ANTXR2: variants seen among roughly 807,000 people sequenced by gnomAD.
ANTXR2 encodes anthrax toxin receptor 2.
Under a neutral mutation model 73.7 loss-of-function variants are expected in ANTXR2, and 44 were observed. That is an observed-to-expected ratio of 0.60 (90% CI 0.47 to 0.77). The LOEUF (loss-of-function observed/expected upper bound fraction) is 0.77. Among genes scored for constraint, ANTXR2 ranks in the 30% least tolerant of loss-of-function variants. ANTXR2 has a pLI of 0.00. For synonymous variants in ANTXR2, 217 were observed against 205.9 expected (o/e 1.05, Z -0.46); for missense variants, 604 against 592.5 (o/e 1.02, Z -0.20).
chr4:80,064,925 C>G (rs1472414370), intron 3 of ANTXR2, among the ~76,000 whole-genome samples: 1 of 152,126 alleles, frequency 6.6e-6, no homozygotes. Flanking sequence ...AGTGGAATAT[C>G]GGCTTTAACT....
chr4:79,943,817 G>A (rs1728411808), intron 16 of ANTXR2, among the ~76,000 whole-genome samples: 2 of 152,042 alleles, frequency 1.3e-5, no homozygotes, highest in South Asian at 4.2e-4. Context: ...ATATTTTGAT[G>A]TCTGGTTACT....
intron 7 of ANTXR2, among the ~76,000 whole-genome samples, chr4:80,044,370 G>T (rs1413273284): frequency 6.6e-6 from 1 of 151,894 alleles, no homozygotes; most frequent in Non-Finnish European, 1.5e-5. Flanking sequence ...GGACACATAA[G>T]AGGTAATAAA....
At chr4:79,945,349 G>T (rs187360851) in intron 16 of ANTXR2, among the ~76,000 whole-genome samples, 26 of 152,108 alleles carry the variant, frequency 1.7e-4, no homozygotes, top group African/African-American at 6.3e-4. Flanking sequence ...TCAGCTTTCA[G>T]ATTTTCATTG....
At chr4:79,916,501 C>G (rs1727359467) in intron 16 of ANTXR2, among the ~76,000 whole-genome samples, 2 of 152,064 alleles carry the variant, frequency 1.3e-5, no homozygotes, top group Admixed American at 1.3e-4. Flanking sequence ...GCTTTCTAAT[C>G]TCAATTAGAA....
At chr4:79,985,559 A>G (rs72653290) in intron 12 of ANTXR2, among the ~76,000 whole-genome samples, 11,350 of 152,108 alleles carry the variant, frequency 0.075, 496 homozygotes, top group Middle Eastern at 0.11. Context: ...GTGGTGAGAC[A>G]GAGACACCAG....
chr4:80,008,037 C>A (rs1370839704), intron 12 of ANTXR2, among the ~76,000 whole-genome samples: 1 of 152,112 alleles, frequency 6.6e-6, no homozygotes, highest in Non-Finnish European at 1.5e-5. Context: ...CCAAAAGTAG[C>A]AGTTTAACAG....
rs1338484314 is a variant in ANTXR2, at chr4:79,978,081, G to A, written c.1273C>T (p.Pro425Ser). 1.2e-6 allele frequency: 2 copies of A among 1,613,644 alleles called. No homozygotes were observed. Among genetic ancestry groups the A allele is most frequent in the Non-Finnish European group, 1.7e-6 (2 of 1,179,830 alleles). The change falls in exon 15 of 17, where the codon CCC becomes TCC. Residue 425 changes from proline to serine, a missense_variant. Pro to Ser is a moderately conservative substitution (Grantham distance 74). Transcript: ENST00000403729. ...GGTCGAGGTGGTCTAGGCCTGATGGGTTCCTCTGTTTCTTCAGGAATCTTC... is the reference window on the plus strand; with the variant it reads ...GGTCGAGGTGGTCTAGGCCTGATGGATTCCTCTGTTTCTTCAGGAATCTTC... ...VVKIPEETEEPIRPRPPRPKP... is the reference protein window; with the variant it reads ...VVKIPEETEESIRPRPPRPKP...
intron 12 of ANTXR2, among the ~76,000 whole-genome samples, chr4:79,996,221 G>A (rs1020708306): frequency 6.6e-6 from 1 of 151,838 alleles, no homozygotes; most frequent in African/African-American, 2.4e-5. Context: ...ATAAGATTTA[G>A]TTTGCAAAGG....
At chr4:80,029,623 T>C (rs1036551001) in intron 10 of ANTXR2, among the ~76,000 whole-genome samples, 2 of 151,730 alleles carry the variant, frequency 1.3e-5, no homozygotes, top group African/African-American at 4.8e-5. Flanking sequence ...AGACAAACAA[T>C]TGGCTTTGGA....
At chr4:79,924,972 G>A (rs974677436) in intron 16 of ANTXR2, among the ~76,000 whole-genome samples, 1 of 152,080 alleles carries the variant, frequency 6.6e-6, no homozygotes, top group Non-Finnish European at 1.5e-5. Flanking sequence ...GTAACATTTT[G>A]TTTGAATGGC....
At chr4:80,014,908 C>T (rs749961096) in intron 11 of ANTXR2, among the ~76,000 whole-genome samples, 1 of 152,184 alleles carries the variant, frequency 6.6e-6, no homozygotes, top group African/African-American at 2.4e-5. Flanking sequence ...ACCACCCTAG[C>T]TTTGAAAATT....
intron 10 of ANTXR2, among the ~76,000 whole-genome samples, chr4:80,024,009 GA>G (rs1198071899): frequency 1.3e-5 from 2 of 152,156 alleles, no homozygotes; most frequent in African/African-American, 4.8e-5. Flanking sequence ...TTCAAAAGTA[GA>G]AAGACCAGTT....
At chr4:79,971,698 G>T (rs1729442165) in intron 16 of ANTXR2, among the ~76,000 whole-genome samples, 1 of 43,100 alleles carries the variant, frequency 2.3e-5, no homozygotes, top group Non-Finnish European at 4.4e-5. Context: ...AATGGTGCTG[G>T]GAAAACTGGC....
At chr4:79,952,309 C>T (rs1174664589) in intron 16 of ANTXR2, among the ~76,000 whole-genome samples, 1 of 151,074 alleles carries the variant, frequency 6.6e-6, no homozygotes, top group Non-Finnish European at 1.5e-5. Flanking sequence ...GCTTGCTCTG[C>T]TTTGGGTTAT....
intron 10 of ANTXR2, among the ~76,000 whole-genome samples, chr4:80,027,255 T>C (rs899101363): frequency 3.3e-5 from 5 of 152,040 alleles, no homozygotes; most frequent in African/African-American, 1.2e-4. Flanking sequence ...AGTATACTTT[T>C]GGAAAGAACA....
intron 12 of ANTXR2, among the ~76,000 whole-genome samples, chr4:80,006,119 T>C (rs1731290493): frequency 6.6e-6 from 1 of 152,164 alleles, no homozygotes; most frequent in Non-Finnish European, 1.5e-5. Flanking sequence ...TTCTCTGAAA[T>C]GCTCCCTTTA....
chr4:80,042,233 C>T (rs989118203), intron 7 of ANTXR2, among the ~76,000 whole-genome samples: 2 of 151,928 alleles, frequency 1.3e-5, no homozygotes, highest in African/African-American at 4.8e-5. Flanking sequence ...CTCTGGTTTT[C>T]GAAGACAACA....
At position 79,977,559 on chromosome 4, in the gene ANTXR2, C is replaced by T. The variant is rs2110011560; in HGVS notation, c.1428+62G>A. ...TAAAATCATTTTTTATTACTATTTCCCTGCCTCCATTATACTGACTCAAGC... is the reference window on the plus strand; with the variant it reads ...TAAAATCATTTTTTATTACTATTTCTCTGCCTCCATTATACTGACTCAAGC... On this transcript the variant is annotated intron_variant, in intron 16 of 16. Coordinates refer to ENST00000403729, the MANE Select transcript of ANTXR2 (RefSeq NM_058172.6). The T allele has an allele frequency of 2.0e-6, 3 of 1,532,494 alleles. No homozygotes were observed. The East Asian group carries it at 7.4e-5, about 38-fold the overall frequency. The allele number at this position is 1,532,494 out of a possible 1,614,324, so 94.9% of individuals were successfully genotyped here. A position where few individuals can be genotyped will look rare whatever the true frequency, so the allele number is the denominator to read the frequency against.
chr4:80,046,375 C>T (rs546038718), intron 7 of ANTXR2, among the ~76,000 whole-genome samples: 28 of 151,706 alleles, frequency 1.8e-4, no homozygotes, highest in African/African-American at 6.5e-4. Flanking sequence ...TTGCTGTTGT[C>T]GTTGTTGTCT....
Sources: allele counts gnomAD v4.1 joint callset (sites outside exome capture counted in the v4.1 genomes callset), GRCh38; gene constraint gnomAD v4.1.1; transcripts MANE v1.5; gene names NCBI Gene and HGNC (gene_info 2026-07-23, HGNC 2026-07-21).